The following GPR158 variants were observed in gnomAD, a reference collection of about 807,000 sequenced individuals.
GPR158 encodes G protein-coupled receptor 158, also known as metabotropic glycine receptor.
Under a neutral mutation model 78.2 loss-of-function variants are expected in GPR158, and 30 were observed. The observed-to-expected ratio is 0.38, with a 90% CI of 0.29 to 0.52. GPR158 has a LOEUF of 0.52. GPR158 is among the 20% of genes least tolerant of loss of function. GPR158 has a pLI of 0.83. For synonymous variants in GPR158, 581 were observed against 591.1 expected, an observed-to-expected ratio of 0.98 and a Z score of 0.25; for missense variants, 1,463 against 1,523.5, an observed-to-expected ratio of 0.96 and a Z score of 0.66.
At chr10:25,204,894 C>G (rs2130660425) in intron 1 of GPR158, among the ~76,000 whole-genome samples, 1 of 150,360 alleles carries the variant, frequency 6.7e-6, no homozygotes, top group African/African-American at 2.5e-5. Flanking sequence ...TGTCCCCAAC[C>G]AAATCTCATC....
rs575456873 is a variant in GPR158 at position 25,262,332 on chromosome 10, A to G, written c.1008+41175A>G. Among the ~76,000 whole-genome samples, 3 of 152,252 alleles carry G rather than the reference A, an allele frequency of 2.0e-5. No homozygotes were observed. In the South Asian group the frequency reaches 6.2e-4, roughly 32 times the overall value. On this transcript the variant is annotated intron_variant, in intron 2 of 10. Transcript: ENST00000376351. The stretch of plus-strand genomic sequence containing the variant: ...CTTTTCATAATAATGGATAATTATC[A>G]TTATTTTCCTCAGGGGAACATTGTG...
intron 2 of GPR158, among the ~76,000 whole-genome samples, chr10:25,296,313 G>A (rs1854512925): frequency 6.6e-6 from 1 of 152,142 alleles, no homozygotes; most frequent in East Asian, 1.9e-4. Context: ...CTGTGAGCCT[G>A]TAACAGCCAA....
At chr10:25,241,324 C>T (rs1451080378) in intron 2 of GPR158, among the ~76,000 whole-genome samples, 16 of 123,804 alleles carry the variant, frequency 1.3e-4, no homozygotes, top group African/African-American at 4.8e-4. Context: ...CTCTTCTCTT[C>T]TCTTCTCTTC....
At chr10:25,361,324 T>C (rs185115937) in intron 2 of GPR158, among the ~76,000 whole-genome samples, 2 of 152,080 alleles carry the variant, frequency 1.3e-5, no homozygotes, top group Admixed American at 6.6e-5. Flanking sequence ...ATTTTGCTTA[T>C]TGTTTCATTT....
chr10:25,385,663 A>G (rs923967488), intron 2 of GPR158, among the ~76,000 whole-genome samples: 2 of 152,106 alleles, frequency 1.3e-5, no homozygotes, highest in Non-Finnish European at 2.9e-5. Context: ...TGGCCATACT[A>G]ATGGAGGTGG....
At chr10:25,562,488 A>G (rs1836872560) in intron 6 of GPR158, among the ~76,000 whole-genome samples, 1 of 152,096 alleles carries the variant, frequency 6.6e-6, no homozygotes, top group East Asian at 1.9e-4. Flanking sequence ...TTTTATTTCC[A>G]TTTATGTCAG....
chr10:25,290,869 C>T lies in GPR158; in HGVS notation c.1008+69712C>T, dbSNP rs80204282. ...TTAACCAAATCAAATGTACTCTATG[C>T]CTTTGATTGCACAAGGGGCCCTAAA... On this transcript the variant is annotated intron_variant, in intron 2 of 10. Transcript: ENST00000376351. 0.013 allele frequency among the ~76,000 whole-genome samples: 1,960 copies of T among 151,900 alleles called. 113 individuals are homozygous for T. In the East Asian group the frequency reaches 0.19, roughly 15 times the overall value.
intron 2 of GPR158, among the ~76,000 whole-genome samples, chr10:25,239,218 T>C (rs921891959): frequency 7.9e-5 from 12 of 152,148 alleles, no homozygotes; most frequent in Non-Finnish European, 1.8e-4. Flanking sequence ...TGGGGAAGCT[T>C]CTTTTATGAA....
At chr10:25,510,051 T>C (rs1836063376) in intron 5 of GPR158, among the ~76,000 whole-genome samples, 1 of 152,154 alleles carries the variant, frequency 6.6e-6, no homozygotes, top group Non-Finnish European at 1.5e-5. Flanking sequence ...AAAGTCCCAA[T>C]AACATCACTT....
chr10:25,323,962 A>G (rs1457055986), intron 2 of GPR158, among the ~76,000 whole-genome samples: 1 of 152,172 alleles, frequency 6.6e-6, no homozygotes, highest in Non-Finnish European at 1.5e-5. Context: ...TTTCTTCTTC[A>G]GCTACCTCAC....
chr10:25,223,451 G>T (rs141610259), intron 2 of GPR158, among the ~76,000 whole-genome samples: 1 of 152,132 alleles, frequency 6.6e-6, no homozygotes, highest in Non-Finnish European at 1.5e-5. Context: ...CTCTAAGGTC[G>T]TATAGTTTGT....
Position 25,176,957 on chromosome 10 carries a change from C to T in GPR158, c.902+635C>T, listed in dbSNP as rs1244631203. On this transcript the variant is annotated intron_variant, in intron 1 of 10. Coordinates refer to ENST00000376351, the MANE Select transcript of GPR158 (RefSeq NM_020752.3). The surrounding 1 kb of genome is among the most constrained non-coding windows in gnomAD (Gnocchi z 6.3). ...ACTTTGCAGCTTGGTCAGGGTGCTC[C>T]TTCTACCGGTCTCCCCTCTCCCCGC... 2.0e-5 allele frequency among the ~76,000 whole-genome samples: 3 copies of T among 152,154 alleles called. No individual in the cohort carries two copies. Among genetic ancestry groups the T allele is most frequent in the Admixed American group, 1.3e-4 (2 of 15,268 alleles).
intron 2 of GPR158, among the ~76,000 whole-genome samples, chr10:25,323,055 C>T (rs982838435): frequency 1.3e-5 from 2 of 152,098 alleles, no homozygotes; most frequent in African/African-American, 4.8e-5. Context: ...CTATGTTAGC[C>T]AGGATGGTCT....
At chr10:25,278,273 GAAATAA>G (rs2130750389) in intron 2 of GPR158, among the ~76,000 whole-genome samples, 1 of 152,018 alleles carries the variant, frequency 6.6e-6, no homozygotes, top group East Asian at 1.9e-4. Flanking sequence ...TGAATGTGTA[GAAATAA>G]AAATAAAATT....
chr10:25,258,499 A>G (rs1237814072), intron 2 of GPR158, among the ~76,000 whole-genome samples: 1 of 152,132 alleles, frequency 6.6e-6, no homozygotes, highest in East Asian at 1.9e-4. Context: ...TGATGTAACA[A>G]ACCCTTCCCT....
At chr10:25,261,441 TA>T (rs1360094369) in intron 2 of GPR158, among the ~76,000 whole-genome samples, 1 of 152,198 alleles carries the variant, frequency 6.6e-6, no homozygotes, top group East Asian at 1.9e-4. Flanking sequence ...AGCTTGTTTT[TA>T]TTTTTTTTAC....
chr10:25,517,675 T>G (rs1275137662), intron 5 of GPR158, among the ~76,000 whole-genome samples: 2 of 152,008 alleles, frequency 1.3e-5, no homozygotes, highest in African/African-American at 2.4e-5. Context: ...GGATTACATT[T>G]ATTGATTTGC....
intron 2 of GPR158, among the ~76,000 whole-genome samples, chr10:25,371,179 A>C (rs1414942232): frequency 6.7e-6 from 1 of 148,382 alleles, no homozygotes; most frequent in African/African-American, 2.5e-5. Flanking sequence ...TTTAAAGTTA[A>C]TATTGTTATG....
chr10:25,370,274 G>A (rs1263249242), intron 2 of GPR158, among the ~76,000 whole-genome samples: 5 of 147,656 alleles, frequency 3.4e-5, no homozygotes, highest in African/African-American at 7.6e-5. Flanking sequence ...TGTCAATTAT[G>A]GATCTTTCCT....
Sources: allele counts gnomAD v4.1 joint callset (sites outside exome capture counted in the v4.1 genomes callset), GRCh38; gene constraint gnomAD v4.1.1; non-coding constraint Gnocchi (gnomAD v3.1); transcripts MANE v1.5; gene names NCBI Gene and HGNC (gene_info 2026-07-23, HGNC 2026-07-21).